Variants in JAZF1 observed in about 807,000 individuals in gnomAD.
JAZF1 encodes juxtaposed with another zinc finger protein 1.
JAZF1 carries 8 observed loss-of-function variants against 26.4 expected under a neutral mutation model. That is an observed-to-expected ratio of 0.30 (90% CI 0.18 to 0.55). The LOEUF (loss-of-function observed/expected upper bound fraction) is 0.55, where lower values mean the gene tolerates loss of function less well. Among genes scored for constraint, JAZF1 ranks in the 20% least tolerant of loss-of-function variants. The pLI is 0.94. For synonymous variants in JAZF1, 126 were observed against 122.3 expected, an observed-to-expected ratio of 1.03 and a Z score of -0.20; for missense variants, 199 against 322.0, an observed-to-expected ratio of 0.62 and a Z score of 2.92.
At chr7:28,166,404 T>A (rs1302397832) in intron 1 of JAZF1, among the ~76,000 whole-genome samples, 2 of 152,222 alleles carry the variant, frequency 1.3e-5, no homozygotes, top group Non-Finnish European at 2.9e-5. Context: ...GGACTATTAT[T>A]AAAGAGATGC....
At chr7:28,041,778 T>A (rs1158680466) in intron 1 of JAZF1, among the ~76,000 whole-genome samples, 2 of 152,196 alleles carry the variant, frequency 1.3e-5, no homozygotes, top group South Asian at 2.1e-4. Context: ...GAGATACTCA[T>A]CTTGAGTATC....
intron 1 of JAZF1, among the ~76,000 whole-genome samples, chr7:28,031,266 A>C (rs1444223437): frequency 6.6e-6 from 1 of 152,336 alleles, no homozygotes; most frequent in East Asian, 1.9e-4. Context: ...GATATGGGGA[A>C]GAAGGGGCCA....
At chr7:27,981,451 AC>A (rs1785583520) in intron 2 of JAZF1, among the ~76,000 whole-genome samples, 1 of 152,236 alleles carries the variant, frequency 6.6e-6, no homozygotes, top group African/African-American at 2.4e-5. Context: ...TGTTTAGACC[AC>A]CTGGAGAAAT....
intron 4 of JAZF1, among the ~76,000 whole-genome samples, chr7:27,839,814 G>A (rs1296503413): frequency 6.6e-6 from 1 of 152,152 alleles, no homozygotes; most frequent in Non-Finnish European, 1.5e-5. Flanking sequence ...CAATATAAGT[G>A]CTTATGCTAT....
Position 27,832,992 on chromosome 7 carries a change from A to C in JAZF1, c.556-16T>G. On this transcript the variant is annotated splice_polypyrimidine_tract_variant and intron_variant, in intron 4 of 4. Coordinates refer to ENST00000283928, the MANE Select transcript of JAZF1 (RefSeq NM_175061.4). Reference sequence around the variant, plus strand: ...CATTCACATTCTGTGGAGAAGACAAAAATATTTATTACATGGATTCACAGG... The same window carrying C: ...CATTCACATTCTGTGGAGAAGACAACAATATTTATTACATGGATTCACAGG... The C allele has an allele frequency of 6.5e-7, 1 of 1,536,232 alleles. No individual in the cohort carries two copies. Among genetic ancestry groups the C allele is most frequent in the Non-Finnish European group, 8.8e-7 (1 of 1,137,050 alleles).
At chr7:28,068,899 C>T (rs911130905) in intron 1 of JAZF1, among the ~76,000 whole-genome samples, 3 of 152,228 alleles carry the variant, frequency 2.0e-5, no homozygotes, top group African/African-American at 4.8e-5. Flanking sequence ...GACTGAAAGA[C>T]TCATCCCTGT....
intron 1 of JAZF1, among the ~76,000 whole-genome samples, chr7:28,050,856 G>A (rs904371366): frequency 2.6e-5 from 4 of 152,130 alleles, no homozygotes; most frequent in Non-Finnish European, 2.9e-5. Flanking sequence ...CACAATGGCC[G>A]GGTGTGGTGG....
chr7:28,033,225 G>A (rs951758151), intron 1 of JAZF1, among the ~76,000 whole-genome samples: 5 of 152,236 alleles, frequency 3.3e-5, no homozygotes, highest in Middle Eastern at 3.4e-3. Context: ...ATGGAACATC[G>A]ATTATGCGAT....
chr7:27,933,617 T>G (rs1583469337), intron 2 of JAZF1, among the ~76,000 whole-genome samples: 1 of 152,368 alleles, frequency 6.6e-6, no homozygotes, highest in East Asian at 1.9e-4. Context: ...GTAAGCCATA[T>G]TTGGCTAAAT....
intron 1 of JAZF1, among the ~76,000 whole-genome samples, chr7:28,073,497 T>C (rs1372280473): frequency 6.6e-6 from 1 of 152,192 alleles, no homozygotes; most frequent in Non-Finnish European, 1.5e-5. Flanking sequence ...TTTGCTTTAT[T>C]TTCACTTTAA....
chr7:28,074,749 G>A (rs925882197), intron 1 of JAZF1, among the ~76,000 whole-genome samples: 2 of 152,130 alleles, frequency 1.3e-5, no homozygotes, highest in African/African-American at 4.8e-5. Context: ...TGTCTGATGT[G>A]TGAAATTGTT....
chr7:27,927,213 C>T (rs1218660824), intron 2 of JAZF1, among the ~76,000 whole-genome samples: 1 of 152,200 alleles, frequency 6.6e-6, no homozygotes, highest in Admixed American at 6.5e-5. Flanking sequence ...GAGGCAGTGG[C>T]TCCAGCACTC....
intron 1 of JAZF1, among the ~76,000 whole-genome samples, chr7:28,102,643 C>G (rs370465166): frequency 6.6e-6 from 1 of 152,020 alleles, no homozygotes; most frequent in African/African-American, 2.4e-5. Flanking sequence ...TCTGAAAGGA[C>G]ATATACTGAT....
chr7:28,142,009 G>A (rs111239566), intron 1 of JAZF1, among the ~76,000 whole-genome samples: 16 of 152,108 alleles, frequency 1.1e-4, no homozygotes, highest in African/African-American at 2.2e-4. Context: ...AATATGTGGC[G>A]GTCATTAGAA....
At chr7:28,116,656 C>T (rs1784750109) in intron 1 of JAZF1, among the ~76,000 whole-genome samples, 1 of 152,038 alleles carries the variant, frequency 6.6e-6, no homozygotes, top group African/African-American at 2.4e-5. Context: ...GTTGGCCAGG[C>T]TGGTCTCAAA....
intron 1 of JAZF1, among the ~76,000 whole-genome samples, chr7:28,110,559 G>GGAAAA (rs1562591023): frequency 1.5e-3 from 85 of 56,520 alleles, no homozygotes; most frequent in Non-Finnish European, 1.7e-3. Context: ...GAAAAGGAAA[G>GGAAAA]GGAAAGGAAA....
intron 1 of JAZF1, among the ~76,000 whole-genome samples, chr7:28,019,893 A>G (rs1439305532): frequency 1.3e-5 from 2 of 152,042 alleles, no homozygotes; most frequent in Non-Finnish European, 2.9e-5. Flanking sequence ...CCACTAGTTT[A>G]CCAGCTAGTA....
chr7:27,926,516 T>C (rs1180502667), intron 2 of JAZF1, among the ~76,000 whole-genome samples: 1 of 152,246 alleles, frequency 6.6e-6, no homozygotes, highest in African/African-American at 2.4e-5. Context: ...TCTAAGAACA[T>C]ACAGGTGCTC....
At chr7:28,135,303 T>C (rs1782864564) in intron 1 of JAZF1, among the ~76,000 whole-genome samples, 1 of 152,206 alleles carries the variant, frequency 6.6e-6, no homozygotes, top group South Asian at 2.1e-4. Flanking sequence ...GCAGGCTGTG[T>C]TGCTACCACA....
Sources: gnomAD v4.1 joint callset for allele counts (sites outside exome capture counted in the v4.1 genomes callset) on GRCh38, gnomAD v4.1.1 for gene constraint, MANE v1.5 for transcripts, NCBI Gene and HGNC (gene_info 2026-07-23, HGNC 2026-07-21) for gene names.